The following ROBO2 variants were observed in gnomAD, a reference collection of about 807,000 sequenced individuals.
The protein encoded by ROBO2 is roundabout homolog 2.
In ROBO2, 53 loss-of-function variants were observed where a neutral mutation model predicts 160.8. The ratio of observed to expected loss-of-function variants is 0.33; its 90% CI spans 0.26 to 0.41. ROBO2 has a LOEUF of 0.41. ROBO2 is among the 10% of genes least tolerant of loss of function. The pLI, the probability that ROBO2 is intolerant of heterozygous loss-of-function variation, is 1.00. For synonymous variants in ROBO2, 664 were observed against 611.7 expected (o/e 1.09, Z -1.26); for missense variants, 1,577 against 1,722.4 (o/e 0.92, Z 1.49).
At chr3:75,922,268 C>T (rs552999967) in intron 1 of ROBO2, among the ~76,000 whole-genome samples, 2 of 152,182 alleles carry the variant, frequency 1.3e-5, no homozygotes, top group East Asian at 1.9e-4. Flanking sequence ...ATGTCAAATA[C>T]ACTTTTTCAG....
chr3:76,040,309 A>T (rs2067241148), intron 2 of ROBO2, among the ~76,000 whole-genome samples: 1 of 151,844 alleles, frequency 6.6e-6, no homozygotes, highest in Non-Finnish European at 1.5e-5. Context: ...CTGCATATCT[A>T]AGTAACTTTT....
chr3:76,061,734 CCCACAGAT>C (rs1281408810), intron 2 of ROBO2, among the ~76,000 whole-genome samples: 1 of 151,962 alleles, frequency 6.6e-6, no homozygotes, highest in African/African-American at 2.4e-5. Flanking sequence ...TGGCTAAAAC[CCCACAGAT>C]CCATTATCTT....
chr3:76,467,952 T>C (rs2078449941), intron 2 of ROBO2, among the ~76,000 whole-genome samples: 1 of 152,120 alleles, frequency 6.6e-6, no homozygotes, highest in South Asian at 2.1e-4. Context: ...TTAATTTTCT[T>C]CTAAATATGA....
At chr3:77,556,415 C>T (rs1374893) in intron 8 of ROBO2, among the ~76,000 whole-genome samples, 84,815 of 151,528 alleles carry the variant, frequency 0.56, 23,788 homozygotes, top group Middle Eastern at 0.68. Flanking sequence ...GGTTTTATCA[C>T]TGATAAAATA....
At chr3:77,031,344 CA>C (rs534759562) in intron 2 of ROBO2, among the ~76,000 whole-genome samples, 9 of 150,292 alleles carry the variant, frequency 6.0e-5, no homozygotes, top group Admixed American at 1.3e-4. Context: ...GTTCTTGGGG[CA>C]AAAAAACACA....
intron 2 of ROBO2, among the ~76,000 whole-genome samples, chr3:76,713,203 C>G (rs1478439977): frequency 6.6e-6 from 1 of 152,128 alleles, no homozygotes; most frequent in African/African-American, 2.4e-5. Flanking sequence ...ATCTTCCAGG[C>G]AAATTTGACT....
chr3:75,935,448 G>A (rs2106984286), intron 1 of ROBO2, among the ~76,000 whole-genome samples: 1 of 152,172 alleles, frequency 6.6e-6, no homozygotes, highest in East Asian at 1.9e-4. Flanking sequence ...AGGAGTTGGA[G>A]TCTGCAGTGA....
At chr3:76,854,018 T>TTCTCTCTC (rs573633101) in intron 2 of ROBO2, among the ~76,000 whole-genome samples, 127 of 117,248 alleles carry the variant, frequency 1.1e-3, no homozygotes, top group African/African-American at 2.1e-3. Flanking sequence ...AGCATAGACT[T>TTCTCTCTC]TCTCTCTCTC....
intron 2 of ROBO2, among the ~76,000 whole-genome samples, chr3:76,166,991 C>T (rs1157365589): frequency 1.3e-5 from 2 of 152,126 alleles, no homozygotes; most frequent in Non-Finnish European, 2.9e-5. Flanking sequence ...ATGGCCCAGG[C>T]TGGAGTGCAG....
intron 1 of ROBO2, among the ~76,000 whole-genome samples, chr3:77,064,695 A>G (rs1214203581): frequency 6.6e-6 from 1 of 152,174 alleles, no homozygotes; most frequent in African/African-American, 2.4e-5. Context: ...TAAAAAGTGT[A>G]GTAGTTTTGA....
chr3:77,130,943 A>G (rs1164410472), intron 2 of ROBO2, among the ~76,000 whole-genome samples: 1 of 152,094 alleles, frequency 6.6e-6, no homozygotes, highest in Non-Finnish European at 1.5e-5. Flanking sequence ...TTCGTTAACT[A>G]GTTATGGAAG....
chr3:76,647,379 G>A (rs751483113), intron 2 of ROBO2, among the ~76,000 whole-genome samples: 2 of 152,176 alleles, frequency 1.3e-5, no homozygotes, highest in Non-Finnish European at 2.9e-5. Flanking sequence ...TATCGGCAGA[G>A]CCTAAGAGAT....
chr3:77,598,487 G>GTATATA (rs369073693), intron 19 of ROBO2, among the ~76,000 whole-genome samples: 3,039 of 136,888 alleles, frequency 0.022, 60 homozygotes, highest in East Asian at 0.093. Flanking sequence ...TATATAGTGT[G>GTATATA]TATATATATA....
chr3:77,504,606 T>C (rs2088190917), intron 5 of ROBO2, among the ~76,000 whole-genome samples: 1 of 152,212 alleles, frequency 6.6e-6, no homozygotes, highest in African/African-American at 2.4e-5. Flanking sequence ...ATGAACATAA[T>C]TTATAGTAAG....
chr3:76,618,829 C>A (rs2088809986), intron 2 of ROBO2, among the ~76,000 whole-genome samples: 1 of 151,720 alleles, frequency 6.6e-6, no homozygotes, highest in African/African-American at 2.4e-5. Context: ...AAATAGCATT[C>A]GTTTTTAATT....
intron 2 of ROBO2, among the ~76,000 whole-genome samples, chr3:76,782,891 A>G (rs902174455): frequency 6.6e-6 from 1 of 150,694 alleles, no homozygotes; most frequent in Non-Finnish European, 1.5e-5. Flanking sequence ...ATAGTTAAAG[A>G]CTTACTATTG....
At chr3:76,018,554 C>A in intron 2 of ROBO2, among the ~76,000 whole-genome samples, 1 of 151,660 alleles carries the variant, frequency 6.6e-6, no homozygotes, top group Middle Eastern at 3.4e-3. Context: ...GACTTTATTG[C>A]TTTTTTGTAT....
At chr3:77,502,103 T>C (rs996330253) in intron 5 of ROBO2, among the ~76,000 whole-genome samples, 4 of 152,302 alleles carry the variant, frequency 2.6e-5, no homozygotes, top group African/African-American at 7.2e-5. Context: ...AAAACTGATA[T>C]GCAGAGAGGG....
In ROBO2 at chr3:76,380,040, TA is replaced by T. The variant is rs921642221; in HGVS notation, c.109+442446del. On this transcript the variant is annotated intron_variant, in intron 2 of 26. Coordinates refer to the ROBO2 transcript ENST00000487694. ...TTTCTTATGTTATAACCAGTATCAC[TA>T]AAAAAAATCATTGACAGATTTAATG... Among the ~76,000 whole-genome samples, 8 of 152,096 alleles carry T rather than the reference TA, an allele frequency of 5.3e-5. No individual in the cohort carries two copies. In the East Asian group the frequency reaches 7.7e-4, roughly 15 times the overall value.
Sources: allele counts gnomAD v4.1 joint callset (sites outside exome capture counted in the v4.1 genomes callset), GRCh38; gene constraint gnomAD v4.1.1; transcripts MANE v1.5; gene names NCBI Gene and HGNC (gene_info 2026-07-23, HGNC 2026-07-21).